ZNF799: variants seen among roughly 807,000 people sequenced by gnomAD.
ZNF799 encodes zinc finger protein 799, also known as zinc finger protein 14.
A neutral mutation model predicts 41.0 loss-of-function variants in ZNF799; 28 were observed. The observed-to-expected ratio is 0.68, with a 90% CI of 0.51 to 0.94. The LOEUF (loss-of-function observed/expected upper bound fraction) is 0.94, where lower values mean the gene tolerates loss of function less well. Among genes scored for constraint, ZNF799 ranks in the 40% least tolerant of loss-of-function variants. The pLI is 0.00. For synonymous variants in ZNF799, 213 were observed against 252.9 expected (o/e 0.84, Z 1.50); for missense variants, 716 against 764.3 (o/e 0.94, Z 0.74).
chr19:12,391,478 T>C lies in ZNF799; in HGVS notation c.920A>G (p.Lys307Arg). 1 of 1,614,116 alleles carries C rather than the reference T, an allele frequency of 6.2e-7. No homozygotes were observed. The highest frequency in any genetic ancestry group is 8.5e-7 in the Non-Finnish European group (1 of 1,179,974). Residue 307 changes from lysine (K) to arginine (R), a missense_variant, in exon 4 of 4, where the codon AAA becomes AGA. Coordinates refer to ENST00000430385, the MANE Select transcript of ZNF799 (RefSeq NM_001080821.3). ...RRHETTHTDEKPYACQQCGKA... is the reference protein window; with the variant it reads ...RRHETTHTDERPYACQQCGKA... The stretch of plus-strand genomic sequence containing the variant: ...CCCACATTGCTGACATGCATAGGGT[T>C]TCTCATCAGTGTGAGTTGTTTCGTG...
chr19:12,396,254 A>G (rs533598449), intron 1 of ZNF799, among the ~76,000 whole-genome samples: 1 of 152,394 alleles, frequency 6.6e-6, no homozygotes, highest in African/African-American at 2.4e-5. Context: ...AAAAACGTTA[A>G]AACAACTATC....
chr19:12,390,873 A>G lies in ZNF799; in HGVS notation c.1525T>C (p.Cys509Arg). The G allele has an allele frequency of 6.2e-7, 1 of 1,614,112 alleles. No homozygotes were observed. The highest frequency in any genetic ancestry group is 8.5e-7 in the Non-Finnish European group (1 of 1,179,998). The change falls in exon 4 of 4, where the codon TGT becomes CGT. Residue 509 changes from cysteine (C) to arginine (R), a missense_variant. This residue lies in a region of ZNF799 where 698 missense variants were observed against 713.6 expected (regional missense o/e 0.98). Transcript: ENST00000430385. The part of the protein sequence containing the change: ...TGEKPYECNT[C>R]KKAFSHFGNL... ...CCAAAATGACTGAAGGCTTTCTTAC[A>G]TGTGTTACACTCATAAGGTTTCTCT...
chr19:12,395,465 T>A (rs996861882), intron 1 of ZNF799, among the ~76,000 whole-genome samples: 4 of 152,166 alleles, frequency 2.6e-5, no homozygotes, highest in African/African-American at 9.7e-5. Context: ...CTACTTTATC[T>A]ACAATACAAC....
the ZNF799 span, among the ~76,000 whole-genome samples, chr19:12,407,133 T>G: frequency 6.6e-6 from 1 of 152,042 alleles, no homozygotes; most frequent in Non-Finnish European, 1.5e-5. Context: ...GCCAGTAATG[T>G]CAAAAGAAGT....
the ZNF799 span, among the ~76,000 whole-genome samples, chr19:12,413,047 C>CAAAAAAAA: frequency 1.1e-4 from 7 of 62,880 alleles, no homozygotes; most frequent in African/African-American, 2.4e-4. Flanking sequence ...ACTCCGTCTC[C>CAAAAAAAA]AAAAAAAAAA....
At chr19:12,400,738 G>A (rs1969966817) in intron 1 of ZNF799, 2 of 536,544 alleles carry the variant, frequency 3.7e-6, no homozygotes, top group Non-Finnish European at 6.6e-6. Flanking sequence ...TGTTTCTGCT[G>A]CAGCCCTCAG....
At chr19:12,407,478 AG>A in the ZNF799 span, among the ~76,000 whole-genome samples, 1 of 151,462 alleles carries the variant, frequency 6.6e-6, no homozygotes, top group African/African-American at 2.4e-5. Context: ...AAAAAGAGAG[AG>A]AGAGAGAAAA....
upstream of ZNF799, among the ~76,000 whole-genome samples, chr19:12,402,413 TTTC>T (rs1970002294): frequency 1.1e-5 from 1 of 87,680 alleles, no homozygotes; most frequent in Admixed American, 1.2e-4. Context: ...ATGCCCTTTA[TTTC>T]TTTTTTTTTT....
upstream of ZNF799, among the ~76,000 whole-genome samples, chr19:12,401,541 CTTTTTTTT>C (rs769048606): frequency 1.5e-3 from 61 of 41,746 alleles, no homozygotes; most frequent in Non-Finnish European, 2.1e-3. Flanking sequence ...AACAATTATA[CTTTTTTTT>C]TTTTTTTTTT....
upstream of ZNF799, among the ~76,000 whole-genome samples, chr19:12,403,678 A>T (rs1970012893): frequency 6.6e-6 from 1 of 151,638 alleles, no homozygotes; most frequent in African/African-American, 2.4e-5. Flanking sequence ...TCAGCCTCCC[A>T]GGTAGCTGAG....
At chr19:12,398,321 T>A (rs1296071923) in intron 1 of ZNF799, 1 of 151,174 alleles carries the variant, frequency 6.6e-6, no homozygotes, top group African/African-American at 2.4e-5. Flanking sequence ...GCCTCAGGCC[T>A]CTCTGCCATA....
chr19:12,395,852 G>A (rs1035439385), intron 1 of ZNF799, among the ~76,000 whole-genome samples: 3 of 152,250 alleles, frequency 2.0e-5, no homozygotes, highest in Non-Finnish European at 4.4e-5. Context: ...CATCCACAAA[G>A]ACTGGAAGAG....
rs758891144 is a variant in ZNF799 at position 12,401,058 on chromosome 19, G to A, written c.3+10C>T. 47 of 1,613,854 alleles carry A rather than the reference G, an allele frequency of 2.9e-5. No individual in the cohort carries two copies. The Admixed American group carries it at 3.5e-4, about 12-fold the overall frequency. On this transcript the variant is annotated intron_variant, in intron 1 of 3. Coordinates refer to ENST00000430385, the MANE Select transcript of ZNF799 (RefSeq NM_001080821.3). The stretch of plus-strand genomic sequence containing the variant: ...TCCCCCGCCTCGGGACGCCGGCCCA[G>A]CACACGCACCATTTCCCGACTTCCG...
chr19:12,403,981 A>G (rs1222190316), upstream of ZNF799, among the ~76,000 whole-genome samples: 1 of 152,166 alleles, frequency 6.6e-6, no homozygotes, highest in Non-Finnish European at 1.5e-5. Context: ...CAACTTTACA[A>G]TTTCCTTCTT....
chr19:12,406,639 G>A, the ZNF799 span, among the ~76,000 whole-genome samples: 1 of 152,128 alleles, frequency 6.6e-6, no homozygotes, highest in Admixed American at 6.5e-5. Flanking sequence ...GGTGGCTCAT[G>A]CCTGTAATCC....
the ZNF799 span, among the ~76,000 whole-genome samples, chr19:12,410,644 C>T: frequency 6.6e-6 from 1 of 151,698 alleles, no homozygotes; most frequent in Non-Finnish European, 1.5e-5. Context: ...AACAAGATAT[C>T]AATTAAAAAC....
At chr19:12,401,027 A>G in intron 1 of ZNF799, 41 bp downstream of exon 1, 1 of 1,613,888 alleles carries the variant, frequency 6.2e-7, no homozygotes, top group Non-Finnish European at 8.5e-7. Flanking sequence ...GGTTCCACCC[A>G]GCCCCTCCCC....
chr19:12,406,303 C>A, the ZNF799 span, among the ~76,000 whole-genome samples: 3 of 148,676 alleles, frequency 2.0e-5, no homozygotes, highest in African/African-American at 7.4e-5. Flanking sequence ...CACGGTGAAA[C>A]CCCATCTCTA....
chr19:12,397,171 C>T (rs925611605), intron 1 of ZNF799, among the ~76,000 whole-genome samples: 1 of 152,066 alleles, frequency 6.6e-6, no homozygotes, highest in Non-Finnish European at 1.5e-5. Flanking sequence ...ATAAGCATTA[C>T]CCCAAAAGCC....
Sources: allele counts gnomAD v4.1 joint callset (sites outside exome capture counted in the v4.1 genomes callset), GRCh38; gene constraint gnomAD v4.1.1; regional missense constraint gnomAD v4.1.1; transcripts MANE v1.5; gene names NCBI Gene and HGNC (gene_info 2026-07-23, HGNC 2026-07-21).